The following OGFOD3 variants were observed in gnomAD, a reference collection of about 807,000 sequenced individuals.
OGFOD3 encodes 2-oxoglutarate and iron-dependent oxygenase domain-containing protein 3.
In OGFOD3, 35 loss-of-function variants were observed where a neutral mutation model predicts 39.8. That is an observed-to-expected ratio of 0.88 (90% confidence interval 0.67 to 1.17). The LOEUF is 1.17. Ranked by LOEUF, OGFOD3 falls within the 50% of genes most tolerant of loss-of-function variation. The pLI is 0.00. For missense variants in OGFOD3, 438 were observed against 454.5 expected, an observed-to-expected ratio of 0.96 and a Z score of 0.33; for synonymous variants, 200 against 192.0, an observed-to-expected ratio of 1.04 and a Z score of -0.34.
At position 82,392,828 on chromosome 17, in the gene OGFOD3, C is replaced by A. The variant is rs2052615591; in HGVS notation, c.824-294G>T. ...AGATGAGGCCACCACTGGCTCCAGA[C>A]ACCCCAGGTCATCTGATCTCCCGAG... is the stretch of plus-strand genomic sequence containing the variant. On this transcript the variant is annotated intron_variant, in intron 8 of 8. Transcript: ENST00000313056. The surrounding 1 kb of genome is among the most constrained non-coding windows in gnomAD (Gnocchi z 4.2). 1.5e-5 allele frequency: 6 copies of A among 402,722 alleles called. No homozygotes were observed. The South Asian group carries it at 2.0e-4, about 14-fold the overall frequency. 24.9% of individuals were successfully genotyped at this position (402,722 alleles called of 1,614,324 possible).
chr17:82,401,315 T>C (rs2052760467), intron 7 of OGFOD3: 2 of 151,724 alleles, frequency 1.3e-5, no homozygotes, highest in Non-Finnish European at 2.9e-5. Context: ...GGCTAATTTT[T>C]TGTATTTTAG....
chr17:82,394,080 C>T lies in OGFOD3; in HGVS notation c.824-1546G>A, dbSNP rs187179558. 1.3e-3 allele frequency among the ~76,000 whole-genome samples: 191 copies of T among 151,596 alleles called. 3 individuals carry two copies. The South Asian group carries it at 0.022, about 17-fold the overall frequency. ...TCTTGGCTCACTGCAAGCTCTGCCT[C>T]CTGGGTTCACGCCGTTCTCCTGCCT... On this transcript the variant is annotated intron_variant, in intron 8 of 8. Transcript: ENST00000313056.
At chr17:82,401,803 C>CAAAAA (rs79956747) in intron 7 of OGFOD3, among the ~76,000 whole-genome samples, 661 of 61,650 alleles carry the variant, frequency 0.011, 42 homozygotes, top group African/African-American at 0.052. Context: ...GACTCCATCT[C>CAAAAA]AAAAAAAAAA....
Position 82,398,287 on chromosome 17 carries a change from C to T in OGFOD3, c.732G>A (p.Leu244=). 1 of 1,614,168 alleles carries T rather than the reference C, an allele frequency of 6.2e-7. No individual in the cohort carries two copies. The highest frequency in any genetic ancestry group is 1.1e-5 in the South Asian group (1 of 91,086). The change falls in exon 8 of 9, where the codon CTG becomes CTA. Residue 244 remains leucine, a synonymous_variant. Coordinates refer to ENST00000313056, the MANE Select transcript of OGFOD3 (RefSeq NM_024648.3). ...VTYGSFDYTS[L]LYLSNYLEDF... ...CCTCCAGGTAGTTGGAGAGGTACAG[C>T]AGCGAGGTGTAGTCGAAGGAGCCGT...
At position 82,415,326 on chromosome 17, in the gene OGFOD3, C is replaced by T. The variant is rs2053013902; in HGVS notation, c.304+72G>A. 1 of 1,456,160 alleles carries T rather than the reference C, an allele frequency of 6.9e-7. No homozygotes were observed. 90.2% of individuals were successfully genotyped at this position (1,456,160 alleles called of 1,614,324 possible). A position where few individuals can be genotyped will look rare whatever the true frequency, so the allele number is the denominator to read the frequency against. Reference sequence around the variant, plus strand: ...AGCATACCACATCCAACCCAATTCCCACCCCTTCGTCGCAGCCAATGTCCT... The same window carrying T: ...AGCATACCACATCCAACCCAATTCCTACCCCTTCGTCGCAGCCAATGTCCT... On this transcript the variant is annotated intron_variant, in intron 2 of 8. Transcript: ENST00000313056. This position sits in a 1 kb window ranked among gnomAD's most constrained non-coding sequence, Gnocchi z 5.3.
At chr17:82,400,587 G>C (rs1233226989) in intron 7 of OGFOD3, 1 of 152,140 alleles carries the variant, frequency 6.6e-6, no homozygotes, top group African/African-American at 2.4e-5. Context: ...AAGGAACTCT[G>C]AGATCTCAGG....
intron 7 of OGFOD3, among the ~76,000 whole-genome samples, chr17:82,402,238 C>T (rs2052778671): frequency 6.6e-6 from 1 of 151,854 alleles, no homozygotes; most frequent in South Asian, 2.1e-4. Flanking sequence ...AGTTTGAGGC[C>T]TGCCTGGCCA....
intron 8 of OGFOD3, 95 bp downstream of exon 8, chr17:82,398,101 T>C: frequency 1.3e-6 from 2 of 1,486,918 alleles, no homozygotes; most frequent in Non-Finnish European, 9.3e-7. Context: ...AGATGCTCCG[T>C]GAACTCAGCC....
rs992394303 is a variant in OGFOD3 at position 82,395,479 on chromosome 17, T to G, written c.823+2717A>C. Among the ~76,000 whole-genome samples the G allele has an allele frequency of 4.6e-5, 7 of 152,338 alleles. No homozygotes were observed. The East Asian group carries it at 1.3e-3, about 29-fold the overall frequency. ...CCCCGAACACAGGACTCTGCCTTCC[T>G]CGATAAAGTTGCCCTACAAAGAAAA... On this transcript the variant is annotated intron_variant, in intron 8 of 8. Transcript: ENST00000313056.
chr17:82,395,088 A>G lies in OGFOD3; in HGVS notation c.824-2554T>C, dbSNP rs185809336. On this transcript the variant is annotated intron_variant, in intron 8 of 8. Transcript: ENST00000313056. ...TTCTCAGGCTGGAATGCAGTATGCA[A>G]TGGTAGGATCTTGGCTCACTGCAAC... Among the ~76,000 whole-genome samples, 7 of 152,256 alleles carry G rather than the reference A, an allele frequency of 4.6e-5. No homozygotes were observed. In the East Asian group the frequency reaches 1.4e-3, roughly 29 times the overall value.
rs1360048586 is a variant in OGFOD3, at chr17:82,392,309, C to A, written c.*89G>T. The A allele has an allele frequency of 2.3e-5, 32 of 1,413,084 alleles. No homozygotes were observed. The highest frequency in any genetic ancestry group is 3.0e-5 in the Non-Finnish European group (31 of 1,035,898). 87.5% of individuals were successfully genotyped at this position (1,413,084 alleles called of 1,614,324 possible). A position where few individuals can be genotyped will look rare whatever the true frequency, so the allele number is the denominator to read the frequency against. Reference sequence around the variant, plus strand: ...AGAATTCCTAAGGCACTCTGTGCAACAGGAGCGGGTGGACGTGGGGGTGGG... The same window carrying A: ...AGAATTCCTAAGGCACTCTGTGCAAAAGGAGCGGGTGGACGTGGGGGTGGG... On this transcript the variant is annotated 3_prime_UTR_variant, in exon 9 of 9. Transcript: ENST00000313056. This position sits in a 1 kb window ranked among gnomAD's most constrained non-coding sequence, Gnocchi z 4.2.
Position 82,418,561 on chromosome 17 carries a change from G to A in OGFOD3, c.-76C>T, listed in dbSNP as rs1016115494. ...ACGAACGCCGTAACAGGGAGCGCGA[G>A]GCAGGCACGGCGCAGGGACGCGAGT... On this transcript the variant is annotated 5_prime_UTR_variant, in exon 1 of 9. Coordinates refer to ENST00000313056, the MANE Select transcript of OGFOD3 (RefSeq NM_024648.3). 1.3e-6 allele frequency: 1 copy of A among 785,360 alleles called. No homozygotes were observed. The allele number at this position is 785,360 out of a possible 1,614,324, so 48.6% of individuals were successfully genotyped here. A position where few individuals can be genotyped will look rare whatever the true frequency, so the allele number is the denominator to read the frequency against.
intron 4 of OGFOD3, among the ~76,000 whole-genome samples, chr17:82,409,006 G>A (rs1029299942): frequency 2.0e-5 from 3 of 152,180 alleles, no homozygotes; most frequent in African/African-American, 7.2e-5. Flanking sequence ...GCAGCTCCAC[G>A]GGCTCTCCTG....
intron 5 of OGFOD3, 54 bp from the exon 6 acceptor site, chr17:82,405,434 C>T: frequency 7.0e-7 from 1 of 1,420,108 alleles, no homozygotes; most frequent in Non-Finnish European, 1.0e-6. Context: ...ATCTGTTGTT[C>T]ATCTCCTTTC....
rs908501380 is a variant in OGFOD3 at position 82,406,936 on chromosome 17, G to A, written c.424-454C>T. Among the ~76,000 whole-genome samples the A allele has an allele frequency of 2.0e-5, 3 of 152,122 alleles. No individual in the cohort carries two copies. Among genetic ancestry groups the A allele is most frequent in the African/African-American group, 7.2e-5 (3 of 41,424 alleles). ...GACTTTCTTAAAATCCTCCCAGACCGGCCAGACGTGGTGGCTCACACCTGC... is the reference window on the plus strand; with the variant it reads ...GACTTTCTTAAAATCCTCCCAGACCAGCCAGACGTGGTGGCTCACACCTGC... On this transcript the variant is annotated intron_variant, in intron 4 of 8. Coordinates refer to ENST00000313056, the MANE Select transcript of OGFOD3 (RefSeq NM_024648.3). This position sits in a 1 kb window ranked among gnomAD's most constrained non-coding sequence, Gnocchi z 5.2.
intron 8 of OGFOD3, among the ~76,000 whole-genome samples, chr17:82,395,220 C>T (rs763340091): frequency 1.6e-4 from 24 of 152,048 alleles, no homozygotes; most frequent in Non-Finnish European, 3.4e-4. Flanking sequence ...TTTGTAGAGA[C>T]GGGGTTTTGC....
chr17:82,399,455 A>T (rs1447653011), intron 7 of OGFOD3, among the ~76,000 whole-genome samples: 3 of 152,236 alleles, frequency 2.0e-5, no homozygotes, highest in Non-Finnish European at 4.4e-5. Flanking sequence ...TAAAACTTGT[A>T]ATAAAATGCA....
intron 8 of OGFOD3, 139 bp downstream of exon 8, chr17:82,398,057 C>G: frequency 9.2e-7 from 1 of 1,092,376 alleles, no homozygotes; most frequent in Non-Finnish European, 1.3e-6. Flanking sequence ...GGCGCTAGAC[C>G]TGGGAATCAC....
chr17:82,398,117 C>T lies in OGFOD3; in HGVS notation c.823+79G>A, dbSNP rs1023143466. On this transcript the variant is annotated intron_variant, in intron 8 of 8. Transcript: ENST00000313056. Reference sequence around the variant, plus strand: ...GATGCTCCGTGAACTCAGCCTCGCTCCCAGGGACACGCCCCCCACACCCAC... The same window carrying T: ...GATGCTCCGTGAACTCAGCCTCGCTTCCAGGGACACGCCCCCCACACCCAC... 3.0e-5 allele frequency: 47 copies of T among 1,568,694 alleles called. No individual in the cohort carries two copies. In the Admixed American group the frequency reaches 7.9e-4, roughly 26 times the overall value.
Sources: allele counts gnomAD v4.1 joint callset (sites outside exome capture counted in the v4.1 genomes callset), GRCh38; gene constraint gnomAD v4.1.1; non-coding constraint Gnocchi (gnomAD v3.1); transcripts MANE v1.5; gene names NCBI Gene and HGNC (gene_info 2026-07-23, HGNC 2026-07-21).